The following RSF1 variants were observed in gnomAD, a reference collection of about 807,000 sequenced individuals.
RSF1 encodes the protein HBV pX-associated protein 8.
A neutral mutation model predicts 145.2 loss-of-function variants in RSF1; 13 were observed. The ratio of observed to expected loss-of-function variants is 0.09; its 90% CI spans 0.06 to 0.14. RSF1 has a LOEUF of 0.14. Ranked by LOEUF, RSF1 falls within the 10% of genes least tolerant of loss-of-function variation. RSF1 has a pLI of 1.00. For synonymous variants in RSF1, 577 were observed against 592.6 expected (o/e 0.97, Z 0.38); for missense variants, 1,517 against 1,718.2 (o/e 0.88, Z 2.07).
At position 77,747,063 on chromosome 11, in the gene RSF1, A is replaced by T; in HGVS notation, c.345T>A (p.Ser115Arg). 6.2e-7 allele frequency: 1 copy of T among 1,607,690 alleles called. No homozygotes were observed. Among genetic ancestry groups the T allele is most frequent in the Non-Finnish European group, 8.5e-7 (1 of 1,174,422 alleles). ...EMEKKGYLEM[S>R]VECKLALLKY... ...TTAAGAGTGCTAGTTTGCATTCAAC[A>T]CTCATTTCAAGATAGCCCTTCTTCT... Residue 115 changes from serine to arginine, a missense_variant, in exon 3 of 16, where the codon AGT becomes AGA. Coordinates refer to ENST00000308488, the MANE Select transcript of RSF1 (RefSeq NM_016578.4).
upstream of RSF1, among the ~76,000 whole-genome samples, chr11:77,823,621 CAAAAAAAAAAA>C (rs397970373): frequency 2.0e-5 from 2 of 97,658 alleles, no homozygotes; most frequent in African/African-American, 8.2e-5. Context: ...CACCCTGTCT[CAAAAAAAAAAA>C]AAAAAAAAAA....
At chr11:77,850,945 A>G in the RSF1 span, 2 of 149,658 alleles carry the variant, frequency 1.3e-5, no homozygotes, top group Non-Finnish European at 1.5e-5. Context: ...TCATTGATAC[A>G]ATAATATCTT....
At chr11:77,831,992 T>C in the RSF1 span, 1 of 151,244 alleles carries the variant, frequency 6.6e-6, no homozygotes, top group African/African-American at 2.4e-5. Context: ...ATTACAGGCA[T>C]GAGCCACCAC....
the RSF1 span, among the ~76,000 whole-genome samples, chr11:77,837,443 TTTTG>T: frequency 2.2e-3 from 332 of 150,342 alleles, no homozygotes; most frequent in South Asian, 2.7e-3. Context: ...TCCCTTTGGT[TTTTG>T]TTTGTTTGTT....
intron 6 of RSF1, 89 bp downstream of exon 6, chr11:77,700,632 G>A (rs1370820003): frequency 7.8e-6 from 7 of 894,426 alleles, no homozygotes; most frequent in African/African-American, 6.8e-5. Context: ...TTTGTCAGTT[G>A]TCTTTGATGA....
At chr11:77,814,419 C>T (rs1948762305) in intron 1 of RSF1, among the ~76,000 whole-genome samples, 1 of 151,996 alleles carries the variant, frequency 6.6e-6, no homozygotes, top group Admixed American at 6.6e-5. Context: ...AGGAGGATTT[C>T]TTGAGCCCAG....
chr11:77,831,378 A>G, the RSF1 span, among the ~76,000 whole-genome samples: 1 of 152,220 alleles, frequency 6.6e-6, no homozygotes. Context: ...TGTCCATGAA[A>G]AAATTTTTAC....
At chr11:77,692,681 GTT>G (rs71046905) in intron 8 of RSF1, among the ~76,000 whole-genome samples, 96 of 137,036 alleles carry the variant, frequency 7.0e-4, no homozygotes, top group Admixed American at 3.2e-3. Context: ...GCCTGGCGGT[GTT>G]TTTTTTTTTT....
chr11:77,785,842 C>T (rs1334522204), intron 1 of RSF1, among the ~76,000 whole-genome samples: 3 of 127,924 alleles, frequency 2.3e-5, no homozygotes, highest in Non-Finnish European at 4.7e-5. Context: ...AGGAGAATGG[C>T]GTGAACCTGG....
intron 1 of RSF1, among the ~76,000 whole-genome samples, chr11:77,792,790 TG>T (rs1361422927): frequency 1.3e-5 from 2 of 150,614 alleles, no homozygotes; most frequent in African/African-American, 4.9e-5. Context: ...AATTACCCTT[TG>T]TAAGTGAGAA....
At chr11:77,707,681 G>A (rs191746435) in intron 5 of RSF1, among the ~76,000 whole-genome samples, 1 of 152,258 alleles carries the variant, frequency 6.6e-6, no homozygotes, top group Admixed American at 6.5e-5. Flanking sequence ...TCTAGATATG[G>A]CAGAAGGAAT....
intron 15 of RSF1, among the ~76,000 whole-genome samples, chr11:77,670,343 A>G (rs988365754): frequency 2.6e-5 from 4 of 152,098 alleles, no homozygotes; most frequent in East Asian, 1.9e-4. Flanking sequence ...CTTCTTTTAG[A>G]TAAGTGCATG....
chr11:77,763,107 G>T, intron 2 of RSF1: 3 of 152,318 alleles, frequency 2.0e-5, no homozygotes, highest in Non-Finnish European at 2.9e-5. Flanking sequence ...TTGGGAGGCC[G>T]AGGTGGGCGG....
At chr11:77,693,289 T>A (rs994269705) in intron 8 of RSF1, among the ~76,000 whole-genome samples, 1 of 152,134 alleles carries the variant, frequency 6.6e-6, no homozygotes, top group Admixed American at 6.5e-5. Flanking sequence ...AAATCATTCA[T>A]AATTTTACAA....
chr11:77,764,467 T>C (rs570752594), intron 2 of RSF1, 131 bp downstream of exon 2: 72 of 604,082 alleles, frequency 1.2e-4, no homozygotes, highest in East Asian at 1.0e-3. Context: ...CTTGCAGTCA[T>C]GTGGATTTTG....
intron 1 of RSF1, among the ~76,000 whole-genome samples, chr11:77,806,766 C>A (rs4469913): frequency 0.18 from 26,583 of 151,152 alleles, 2,886 homozygotes; most frequent in African/African-American, 0.29. Flanking sequence ...ATTAAAAAAA[C>A]AAAAATTAAA....
At chr11:77,749,815 C>T (rs1948041998) in intron 2 of RSF1, among the ~76,000 whole-genome samples, 1 of 152,246 alleles carries the variant, frequency 6.6e-6, no homozygotes, top group Non-Finnish European at 1.5e-5. Flanking sequence ...GTGGTGCGAT[C>T]TCGGCTCACT....
At chr11:77,770,346 C>G (rs894662775) in intron 1 of RSF1, among the ~76,000 whole-genome samples, 1 of 152,138 alleles carries the variant, frequency 6.6e-6, no homozygotes, top group Non-Finnish European at 1.5e-5. Context: ...CCTGTAGTCC[C>G]AGCTACTCGG....
At chr11:77,842,873 G>A in the RSF1 span, among the ~76,000 whole-genome samples, 4 of 152,272 alleles carry the variant, frequency 2.6e-5, no homozygotes, top group South Asian at 8.3e-4. Flanking sequence ...GTTAGTTCCA[G>A]AATATATTTA....
Sources: allele counts gnomAD v4.1 joint callset (sites outside exome capture counted in the v4.1 genomes callset), GRCh38; gene constraint gnomAD v4.1.1; transcripts MANE v1.5; gene names NCBI Gene and HGNC (gene_info 2026-07-23, HGNC 2026-07-21).